The following SSH1 variants were observed in gnomAD, a reference collection of about 807,000 sequenced individuals.
SSH1 encodes protein phosphatase Slingshot homolog 1.
A neutral mutation model predicts 79.7 loss-of-function variants in SSH1; 43 were observed. The observed-to-expected ratio is 0.54, with a 90% CI of 0.42 to 0.70. SSH1 has a LOEUF of 0.70. Ranked by LOEUF, SSH1 falls within the 30% of genes least tolerant of loss-of-function variation. The pLI, the probability that SSH1 is intolerant of heterozygous loss-of-function variation, is 0.00. For synonymous variants in SSH1, 599 were observed against 538.3 expected (o/e 1.11, Z -1.56); for missense variants, 1,206 against 1,358.8 (o/e 0.89, Z 1.77).
At chr12:108,813,285 A>G (rs2037712005) in intron 5 of SSH1, among the ~76,000 whole-genome samples, 1 of 152,220 alleles carries the variant, frequency 6.6e-6, no homozygotes, top group East Asian at 1.9e-4. Context: ...GAGAAGCCAG[A>G]TGGGTCTGGA....
intron 2 of SSH1, among the ~76,000 whole-genome samples, chr12:108,829,259 G>A (rs1477669286): frequency 1.3e-5 from 2 of 152,160 alleles, no homozygotes; most frequent in Non-Finnish European, 2.9e-5. Flanking sequence ...CCCAGGAGGC[G>A]GAGGTTGCAG....
intron 2 of SSH1, among the ~76,000 whole-genome samples, chr12:108,823,981 AAG>A (rs1258315662): frequency 3.5e-4 from 54 of 152,236 alleles, no homozygotes; most frequent in Non-Finnish European, 1.2e-4. Context: ...TTTCTAAGAA[AAG>A]AGAACAACTC....
In SSH1 at chr12:108,807,898, G is replaced by C. The variant is rs769325771; in HGVS notation, c.537-71C>G. On this transcript the variant is annotated intron_variant, in intron 7 of 14. Coordinates refer to ENST00000326495, the MANE Select transcript of SSH1 (RefSeq NM_018984.4). The surrounding 1 kb of genome is among the most constrained non-coding windows in gnomAD (Gnocchi z 5.2). ...ATGCAGGGTTTTCTCCTCTGACAAA[G>C]GGGTTCAAATACGGGAAGGGAAGGG... is the stretch of plus-strand genomic sequence containing the variant. 4.9e-6 allele frequency: 7 copies of C among 1,427,282 alleles called. No individual in the cohort carries two copies. Among genetic ancestry groups the C allele is most frequent in the Non-Finnish European group, 6.9e-6 (7 of 1,018,000 alleles). The allele number at this position is 1,427,282 out of a possible 1,614,324, so 88.4% of individuals were successfully genotyped here.
Position 108,807,900 on chromosome 12 carries a change from G to T in SSH1, c.537-73C>A. The T allele has an allele frequency of 7.2e-7, 1 of 1,396,692 alleles. No homozygotes were observed. Among genetic ancestry groups the T allele is most frequent in the Non-Finnish European group, 1.0e-6 (1 of 991,272 alleles). The allele number at this position is 1,396,692 out of a possible 1,614,324, so 86.5% of individuals were successfully genotyped here. ...GCAGGGTTTTCTCCTCTGACAAAGG[G>T]GTTCAAATACGGGAAGGGAAGGGCA... On this transcript the variant is annotated intron_variant, in intron 7 of 14. Transcript: ENST00000326495. This position sits in a 1 kb window ranked among gnomAD's most constrained non-coding sequence, Gnocchi z 5.2.
chr12:108,801,394 G>T (rs2036996938), intron 11 of SSH1, among the ~76,000 whole-genome samples: 2 of 152,042 alleles, frequency 1.3e-5, no homozygotes, highest in African/African-American at 4.8e-5. Context: ...ATTTGACAGG[G>T]TCTGCTAACC....
Position 108,792,622 on chromosome 12 carries a change from C to G in SSH1, c.1557G>C (p.Leu519=). The change falls in exon 14 of 15, where the codon CTG becomes CTC. Residue 519 remains leucine, a synonymous_variant. Coordinates refer to ENST00000326495, the MANE Select transcript of SSH1 (RefSeq NM_018984.4). ...CCFRRLSDPL[L]PSPEDETGSL... is the part of the protein sequence containing the mutation. ...TGCCAGTTTCATCCTCAGGGGAAGG[C>G]AGAAGGGGGTCTGAGAGTCGCCGGA... The G allele has an allele frequency of 1.2e-6, 2 of 1,612,256 alleles. No homozygotes were observed. Among genetic ancestry groups the G allele is most frequent in the Non-Finnish European group, 1.7e-6 (2 of 1,179,428 alleles).
intron 2 of SSH1, among the ~76,000 whole-genome samples, chr12:108,826,781 A>G (rs998105614): frequency 1.3e-5 from 2 of 152,200 alleles, no homozygotes; most frequent in African/African-American, 4.8e-5. Context: ...GGGGAAGTCC[A>G]TGAAGAAATC....
intron 5 of SSH1, among the ~76,000 whole-genome samples, chr12:108,815,656 G>T (rs2037850076): frequency 1.3e-5 from 2 of 152,148 alleles, no homozygotes; most frequent in Admixed American, 1.3e-4. Flanking sequence ...CCATCCTAAT[G>T]GACCATGCCC....
chr12:108,805,258 A>G, intron 9 of SSH1, 74 bp from the exon 10 acceptor site: 1 of 1,545,896 alleles, frequency 6.5e-7, no homozygotes, highest in Middle Eastern at 2.1e-4. Flanking sequence ...AATTAAAGTT[A>G]CAATGGAAAC....
At chr12:108,840,919 A>G (rs1428123928) in intron 2 of SSH1, among the ~76,000 whole-genome samples, 1 of 152,208 alleles carries the variant, frequency 6.6e-6, no homozygotes, top group African/African-American at 2.4e-5. Flanking sequence ...CTAGACCCCC[A>G]TAAGCGCATG....
chr12:108,823,855 A>C (rs905427802), intron 2 of SSH1, among the ~76,000 whole-genome samples: 1 of 152,162 alleles, frequency 6.6e-6, no homozygotes, highest in African/African-American at 2.4e-5. Flanking sequence ...ATTAGTAGAG[A>C]CATGGTTTTA....
intron 11 of SSH1, among the ~76,000 whole-genome samples, chr12:108,802,065 A>G (rs1198094947): frequency 2.6e-5 from 4 of 152,166 alleles, no homozygotes; most frequent in African/African-American, 9.7e-5. Flanking sequence ...TACAGCAATT[A>G]GAGTGTAATT....
chr12:108,809,595 A>G lies in SSH1; in HGVS notation c.536+98T>C, dbSNP rs2037471734. 5.0e-6 allele frequency: 5 copies of G among 1,007,642 alleles called. No individual in the cohort carries two copies. The Admixed American group carries it at 8.5e-5, about 17-fold the overall frequency. The allele number at this position is 1,007,642 out of a possible 1,614,324, so 62.4% of individuals were successfully genotyped here. On this transcript the variant is annotated intron_variant, in intron 7 of 14. Transcript: ENST00000326495. ...ATTTTGCGCCTCCCTCAACATGCAC[A>G]TACGTAACGAGCTTCTTGGTAGAAG...
At chr12:108,853,049 T>G in intron 1 of SSH1, 3 of 985,364 alleles carry the variant, frequency 3.0e-6, no homozygotes, top group Non-Finnish European at 3.6e-6. Context: ...GGGGGTCATG[T>G]TTAAAGAGAA....
At position 108,798,149 on chromosome 12, in the gene SSH1, C is replaced by T. The variant is rs184260460; in HGVS notation, c.1349+851G>A. Among the ~76,000 whole-genome samples the T allele has an allele frequency of 4.8e-3, 724 of 152,344 alleles. 4 individuals are homozygous for T. The highest frequency in any genetic ancestry group is 0.01 in the Admixed American group (153 of 15,296). On this transcript the variant is annotated intron_variant, in intron 13 of 14. Coordinates refer to ENST00000326495, the MANE Select transcript of SSH1 (RefSeq NM_018984.4). ...ACTAGTTCGCTTGTACGCTCCCTCC[C>T]ATGAGGGGTTGAGTGGGGTGGACTG...
At chr12:108,854,735 G>C (rs755579816) in intron 1 of SSH1, among the ~76,000 whole-genome samples, 1 of 152,192 alleles carries the variant, frequency 6.6e-6, no homozygotes. Context: ...AGTTATTCCA[G>C]GGAAACTACA....
In SSH1 at chr12:108,799,099, T is replaced by C. The variant is rs747563203; in HGVS notation, c.1250A>G (p.Glu417Gly). 2 of 1,614,104 alleles carry C rather than the reference T, an allele frequency of 1.2e-6. No individual in the cohort carries two copies. Among genetic ancestry groups the C allele is most frequent in the African/African-American group, 1.3e-5 (1 of 74,954 alleles). ...CTGCTTTACATAGTTATATGCTTTT[T>C]CCAGAGGCCAGCCGAATTCCTTCAT... Reference protein sequence around the residue: ...YAMKEFGWPLEKAYNYVKQKR... With the variant: ...YAMKEFGWPLGKAYNYVKQKR... The change falls in exon 13 of 15, where the codon GAA (glutamate) becomes GGA (glycine). Residue 417 changes from glutamate to glycine, a missense_variant. Physicochemically the swap from Glu to Gly is moderately conservative, Grantham distance 98 (BLOSUM62 -2). Around this residue, in one of 5 missense-constraint regions of SSH1, gnomAD observed 166 missense variants for 262.9 expected, o/e 0.63. Transcript: ENST00000326495.
chr12:108,785,782 T>C lies in SSH1; in HGVS notation c.*2206A>G, dbSNP rs1224007194. 1 of 152,190 alleles carries C rather than the reference T, an allele frequency of 6.6e-6. No individual in the cohort carries two copies. The highest frequency in any genetic ancestry group is 6.5e-5 in the Admixed American group (1 of 15,274). 9.4% of individuals were successfully genotyped at this position (152,190 alleles called of 1,614,324 possible). A position where few individuals can be genotyped will look rare whatever the true frequency, so the allele number is the denominator to read the frequency against. On this transcript the variant is annotated 3_prime_UTR_variant, in exon 15 of 15. Transcript: ENST00000326495. ...TTAAAAAACCAACAAAAGCCTGTCA[T>C]CACTAAATTTAAAAGATTATTTTGA...
At chr12:108,832,674 A>G (rs1453273271) in intron 2 of SSH1, among the ~76,000 whole-genome samples, 4 of 152,200 alleles carry the variant, frequency 2.6e-5, no homozygotes, top group African/African-American at 9.7e-5. Context: ...GTTCTCCCAC[A>G]GGTTCTTCCC....
Sources: allele counts gnomAD v4.1 joint callset (sites outside exome capture counted in the v4.1 genomes callset), GRCh38; gene constraint gnomAD v4.1.1; regional missense constraint gnomAD v4.1.1; non-coding constraint Gnocchi (gnomAD v3.1); transcripts MANE v1.5; gene names NCBI Gene and HGNC (gene_info 2026-07-23, HGNC 2026-07-21).